TTC39A: variants seen among roughly 807,000 people sequenced by gnomAD.
TTC39A encodes the protein tetratricopeptide repeat domain 39A.
A neutral mutation model predicts 82.3 loss-of-function variants in TTC39A; 46 were observed. The ratio of observed to expected loss-of-function variants is 0.56; its 90% CI spans 0.44 to 0.71. The LOEUF is 0.71. Among genes scored for constraint, TTC39A ranks in the 30% least tolerant of loss-of-function variants. The pLI, the probability that TTC39A is intolerant of heterozygous loss-of-function variation, is 0.00. For missense variants in TTC39A, 543 were observed against 712.9 expected (o/e 0.76, Z 2.71); for synonymous variants, 254 against 275.2 (o/e 0.92, Z 0.76).
chr1:51,334,306 C>A (rs937357799), upstream of TTC39A, among the ~76,000 whole-genome samples: 1 of 151,870 alleles, frequency 6.6e-6, no homozygotes, highest in Non-Finnish European at 1.5e-5. Context: ...GAGTTCGAGA[C>A]CAGCCTGACC....
intron 1 of TTC39A, among the ~76,000 whole-genome samples, chr1:51,341,359 C>T (rs140447269): frequency 1.1e-4 from 16 of 152,184 alleles, no homozygotes; most frequent in Non-Finnish European, 2.2e-4. Context: ...TGGCCACAGA[C>T]AGAAACTGCT....
rs561909685 is a variant in TTC39A, at chr1:51,289,356, A to G, written c.1494-401T>C. Among the ~76,000 whole-genome samples, 7 of 152,238 alleles carry G rather than the reference A, an allele frequency of 4.6e-5. No individual in the cohort carries two copies. The South Asian group carries it at 8.3e-4, about 18-fold the overall frequency. ...GATACAATTTAGCCTTGTGAACAAA[A>G]CATCCAGGCCCTTCTCATTCTATCC... On this transcript the variant is annotated intron_variant, in intron 16 of 17. Transcript: ENST00000680483.
At chr1:51,313,259 C>T (rs550542142) in intron 2 of TTC39A, among the ~76,000 whole-genome samples, 4 of 152,294 alleles carry the variant, frequency 2.6e-5, no homozygotes, top group South Asian at 4.1e-4. Flanking sequence ...TAGTGCATGT[C>T]GGCCAGAGGC....
Position 51,287,921 on chromosome 1 carries a change from T to TA in TTC39A, c.*235dup. The stretch of plus-strand genomic sequence containing the variant: ...CATCACAGTGAAAAGCAAGTACCCG[T>TA]ATGTGTGATAGGGCAGGCAGAGGGC... On this transcript the variant is annotated 3_prime_UTR_variant, in exon 18 of 18. Coordinates refer to ENST00000680483, the MANE Select transcript of TTC39A (RefSeq NM_001297663.2). The TA allele has an allele frequency of 1.9e-6, 1 of 521,958 alleles. No individual in the cohort carries two copies. 32.3% of individuals were successfully genotyped at this position (521,958 alleles called of 1,614,324 possible).
chr1:51,342,022 C>T (rs1646043980), intron 1 of TTC39A, among the ~76,000 whole-genome samples: 1 of 152,212 alleles, frequency 6.6e-6, no homozygotes, highest in East Asian at 1.9e-4. Context: ...CCCCTCCCTC[C>T]CACAGCAGAT....
chr1:51,303,220 T>G (rs1644744486), intron 8 of TTC39A, 28 bp from the exon 9 acceptor site: 1 of 1,526,190 alleles, frequency 6.6e-7, no homozygotes. Flanking sequence ...TGGGTGAGGC[T>G]CCCAGAGAGG....
At chr1:51,302,239 G>A (rs1644690295) in intron 11 of TTC39A, 118 bp downstream of exon 11, 2 of 738,110 alleles carry the variant, frequency 2.7e-6, no homozygotes, top group Non-Finnish European at 4.9e-6. Flanking sequence ...GTTCTCTCTT[G>A]GCCCCCCCCC....
intron 11 of TTC39A, 112 bp downstream of exon 11, chr1:51,302,245 C>CCCCCCCCCCCCCCCCCCT: frequency 1.8e-6 from 1 of 570,706 alleles, no homozygotes; most frequent in South Asian, 1.5e-5. Context: ...TCTTGGCCCC[C>CCCCCCCCCCCCCCCCCCT]CCCCCGCCCC....
In TTC39A at chr1:51,303,136, C is replaced by A; in HGVS notation, c.711G>T (p.Val237=). The part of the protein sequence containing the change: ...EGASGHSFRS[V]LCVMLLLCYH... ...AGCACAGCAGGAGCATGACACAGAG[C>A]ACAGAGCGGAAGCTGTGCCCTGACG... Residue 237 remains valine (V), a synonymous_variant, in exon 9 of 18, where the codon GTG becomes GTT. Transcript: ENST00000680483. 1 of 1,587,680 alleles carries A rather than the reference C, an allele frequency of 6.3e-7. No individual in the cohort carries two copies. Among genetic ancestry groups the A allele is most frequent in the Non-Finnish European group, 8.6e-7 (1 of 1,167,594 alleles).
At chr1:51,312,666 A>G in intron 3 of TTC39A, 146 bp downstream of exon 3, 1 of 1,244,818 alleles carries the variant, frequency 8.0e-7, no homozygotes, top group Non-Finnish European at 1.1e-6. Flanking sequence ...AGGCAGGGCC[A>G]ACAGGGACAG....
At chr1:51,324,813 G>A (rs576471703) in intron 1 of TTC39A, among the ~76,000 whole-genome samples, 7 of 152,084 alleles carry the variant, frequency 4.6e-5, no homozygotes, top group Non-Finnish European at 7.4e-5. Context: ...GATCACAGGC[G>A]TGAGCCACTG....
At chr1:51,319,129 T>A (rs1645399754) in intron 2 of TTC39A, among the ~76,000 whole-genome samples, 1 of 152,098 alleles carries the variant, frequency 6.6e-6, no homozygotes, top group Admixed American at 6.6e-5. Context: ...GGCCTCATAT[T>A]CCAAATATAG....
intron 2 of TTC39A, among the ~76,000 whole-genome samples, chr1:51,319,793 C>T (rs796875503): frequency 9.2e-5 from 14 of 151,386 alleles, no homozygotes; most frequent in Admixed American, 3.9e-4. Flanking sequence ...TGGGTTCAAG[C>T]GATCCTCCCA....
intron 1 of TTC39A, among the ~76,000 whole-genome samples, chr1:51,337,719 G>A (rs958245630): frequency 2.0e-5 from 3 of 152,078 alleles, no homozygotes; most frequent in Non-Finnish European, 4.4e-5. Context: ...GAGCCACCGT[G>A]CCCAGCCCCT....
chr1:51,318,531 C>T lies in TTC39A; in HGVS notation c.146+3190G>A, dbSNP rs377568215. 1.5e-4 allele frequency among the ~76,000 whole-genome samples: 23 copies of T among 152,246 alleles called. No homozygotes were observed. In the South Asian group the frequency reaches 3.1e-3, roughly 21 times the overall value. ...CAGAAGCTGGGCCACTGACCCTAGA[C>T]GGGAGAAAGATGGGTCCATGATGTC... On this transcript the variant is annotated intron_variant, in intron 2 of 17. Coordinates refer to ENST00000680483, the MANE Select transcript of TTC39A (RefSeq NM_001297663.2).
At chr1:51,339,975 A>G (rs1646015313) in intron 1 of TTC39A, among the ~76,000 whole-genome samples, 1 of 152,090 alleles carries the variant, frequency 6.6e-6, no homozygotes, top group South Asian at 2.1e-4. Flanking sequence ...ATGGGTGCAG[A>G]GCGGGATTGG....
rs181140642 is a variant in TTC39A, at chr1:51,336,837, C to T, written c.53+8154G>A. The stretch of plus-strand genomic sequence containing the variant: ...TGCAAGGATTAAATGAGCTACATAT[C>T]TTCAGGGCAGATGAGCTACCTGACA... On this transcript the variant is annotated intron_variant, in intron 1 of 5. Transcript: ENST00000401051. Among the ~76,000 whole-genome samples the T allele has an allele frequency of 7.2e-5, 11 of 152,290 alleles. No individual in the cohort carries two copies. The East Asian group carries it at 1.4e-3, about 19-fold the overall frequency.
chr1:51,309,193 G>A, intron 6 of TTC39A, 68 bp downstream of exon 6: 1 of 1,521,106 alleles, frequency 6.6e-7, no homozygotes, highest in East Asian at 2.4e-5. Flanking sequence ...AAAGCCGCCT[G>A]AGGGGGACAG....
intron 1 of TTC39A, among the ~76,000 whole-genome samples, chr1:51,336,539 AGCTCTAACT>A (rs1196416868): frequency 6.6e-6 from 1 of 152,180 alleles, no homozygotes; most frequent in Non-Finnish European, 1.5e-5. Flanking sequence ...GACCAAGAAC[AGCTCTAACT>A]GAAAAAAGGG....
Sources: gnomAD v4.1 joint callset for allele counts (sites outside exome capture counted in the v4.1 genomes callset) on GRCh38, gnomAD v4.1.1 for gene constraint, MANE v1.5 for transcripts, NCBI Gene and HGNC (gene_info 2026-07-23, HGNC 2026-07-21) for gene names.